The following CCL8 variants were observed in gnomAD, a reference collection of about 807,000 sequenced individuals.
The protein encoded by CCL8 is C-C motif chemokine ligand 8, also known as C-C motif chemokine 8.
In CCL8, 3 loss-of-function variants were observed where a neutral mutation model predicts 6.6. The ratio of observed to expected loss-of-function variants is 0.45; its 90% CI spans 0.21 to 1.17. The LOEUF is 1.17. CCL8 is among the 50% of genes most tolerant of loss of function. The pLI, the probability that CCL8 is intolerant of heterozygous loss-of-function variation, is 0.24. For synonymous variants in CCL8, 49 were observed against 41.8 expected, an observed-to-expected ratio of 1.17 and a Z score of -0.67; for missense variants, 127 against 118.1, an observed-to-expected ratio of 1.08 and a Z score of -0.35.
chr17:34,319,573 G>T lies in CCL8; in HGVS notation c.72G>T (p.Gln24His). ...CTTTCAGCCCTCAGGGACTTGCTCA[G>T]CCAGGTAAGACCTCTCCCTTTTTAA... Reference protein sequence around the residue: ...AATFSPQGLAQPDSVSIPITC... With the variant: ...AATFSPQGLAHPDSVSIPITC... The change falls in exon 1 of 3, where the codon CAG becomes CAT. Residue 24 changes from glutamine (Q) to histidine (H), a missense_variant. Coordinates refer to ENST00000394620, the MANE Select transcript of CCL8 (RefSeq NM_005623.3). The T allele has an allele frequency of 2.5e-6, 4 of 1,613,048 alleles. No individual in the cohort carries two copies. Among genetic ancestry groups the T allele is most frequent in the Non-Finnish European group, 2.5e-6 (3 of 1,179,156 alleles).
chr17:34,320,962 C>A lies in CCL8; in HGVS notation c.*55C>A. The stretch of plus-strand genomic sequence containing the variant: ...TTGAAGAAAAGCTTATTTATTTTCC[C>A]CAACCTCCCCCAGGTGCAGTGTGAC... On this transcript the variant is annotated 3_prime_UTR_variant, in exon 3 of 3. Coordinates refer to ENST00000394620, the MANE Select transcript of CCL8 (RefSeq NM_005623.3). 9.5e-7 allele frequency: 1 copy of A among 1,054,506 alleles called. No homozygotes were observed. The highest frequency in any genetic ancestry group is 1.4e-6 in the Non-Finnish European group (1 of 700,380). The allele number at this position is 1,054,506 out of a possible 1,614,324, so 65.3% of individuals were successfully genotyped here. A position where few individuals can be genotyped will look rare whatever the true frequency, so the allele number is the denominator to read the frequency against.
At chr17:34,320,411 C>T (rs905123961) in intron 2 of CCL8, 25 bp downstream of exon 2, 4 of 1,449,462 alleles carry the variant, frequency 2.8e-6, no homozygotes, top group African/African-American at 2.8e-5. Flanking sequence ...CCTGGCACCC[C>T]CATTCAAAAG....
In CCL8 at chr17:34,320,942, G is replaced by T; in HGVS notation, c.*35G>T. ...CATGGACTGAGAGTCAGAGCTTGAAGAAAAGCTTATTTATTTTCCCCAACC... is the reference window on the plus strand; with the variant it reads ...CATGGACTGAGAGTCAGAGCTTGAATAAAAGCTTATTTATTTTCCCCAACC... On this transcript the variant is annotated 3_prime_UTR_variant, in exon 3 of 3. Transcript: ENST00000394620. 2 of 1,413,884 alleles carry T rather than the reference G, an allele frequency of 1.4e-6. No individual in the cohort carries two copies. The highest frequency in any genetic ancestry group is 1.9e-5 in the Admixed American group (1 of 51,874). 87.6% of individuals were successfully genotyped at this position (1,413,884 alleles called of 1,614,324 possible).
Position 34,319,532 on chromosome 17 carries a change from C to G in CCL8, c.31C>G (p.Leu11Val). MKVSAALLCL[L>V]LMAATFSPQG... ...GGTTTCTGCAGCGCTTCTGTGCCTG[C>G]TGCTCATGGCAGCCACTTTCAGCCC... The change falls in exon 1 of 3, where the codon CTG becomes GTG. Residue 11 changes from leucine to valine, a missense_variant. By Grantham distance (32) the Leu-to-Val change is conservative (BLOSUM62 1). Transcript: ENST00000394620. The G allele has an allele frequency of 6.2e-7, 1 of 1,613,916 alleles. No individual in the cohort carries two copies. The highest frequency in any genetic ancestry group is 2.2e-5 in the East Asian group (1 of 44,878).
In CCL8 at chr17:34,320,819, G is replaced by T; in HGVS notation, c.212G>T (p.Gly71Val). ...KEAVIFKTKRGKEVCADPKER... is the reference protein window; with the variant it reads ...KEAVIFKTKRVKEVCADPKER... Reference sequence around the variant, plus strand: ...CCCCACAGCTTCAAGACCAAACGGGGCAAGGAGGTCTGTGCTGACCCCAAG... The same window carrying T: ...CCCCACAGCTTCAAGACCAAACGGGTCAAGGAGGTCTGTGCTGACCCCAAG... The change falls in exon 3 of 3, where the codon GGC becomes GTC. Residue 71 changes from glycine (G) to valine (V), a missense_variant. Coordinates refer to ENST00000394620, the MANE Select transcript of CCL8 (RefSeq NM_005623.3). 6.2e-7 allele frequency: 1 copy of T among 1,606,742 alleles called. No homozygotes were observed. The highest frequency in any genetic ancestry group is 1.3e-5 in the African/African-American group (1 of 74,552).
At chr17:34,320,184 C>A in intron 1 of CCL8, 85 bp from the exon 2 acceptor site, 1 of 825,994 alleles carries the variant, frequency 1.2e-6, no homozygotes, top group Non-Finnish European at 2.1e-6. Flanking sequence ...ACTTCTTGGT[C>A]TTCTCCTTCC....
Position 34,319,526 on chromosome 17 carries a change from T to C in CCL8, c.25T>C (p.Cys9Arg). ...GATGAAGGTTTCTGCAGCGCTTCTG[T>C]GCCTGCTGCTCATGGCAGCCACTTT... The part of the protein sequence containing the change: MKVSAALL[C>R]LLLMAATFSP... Residue 9 changes from cysteine to arginine, a missense_variant, in exon 1 of 3, where the codon TGC becomes CGC. Transcript: ENST00000394620. 4.3e-6 allele frequency: 7 copies of C among 1,613,920 alleles called. No individual in the cohort carries two copies. Among genetic ancestry groups the C allele is most frequent in the Non-Finnish European group, 5.9e-6 (7 of 1,179,848 alleles).
intron 1 of CCL8, 34 bp from the exon 2 acceptor site, chr17:34,320,235 C>T (rs1334388343): frequency 1.5e-6 from 2 of 1,349,664 alleles, no homozygotes; most frequent in East Asian, 4.6e-5. Flanking sequence ...ACGGTGGGTC[C>T]TAAATGTCTC....
At chr17:34,320,742 C>A (rs774540619) in intron 2 of CCL8, 60 bp from the exon 3 acceptor site, 46 of 1,098,716 alleles carry the variant, frequency 4.2e-5, no homozygotes, top group Non-Finnish European at 5.9e-5. Flanking sequence ...ACCAATGGCC[C>A]ACAGTCCTGT....
intron 2 of CCL8, 43 bp downstream of exon 2, chr17:34,320,429 G>T: frequency 8.1e-7 from 1 of 1,228,016 alleles, no homozygotes; most frequent in South Asian, 1.2e-5. Flanking sequence ...AAGTTCTGAT[G>T]GACAACATAG....
At chr17:34,320,680 C>A in intron 2 of CCL8, 122 bp from the exon 3 acceptor site, 1 of 640,512 alleles carries the variant, frequency 1.6e-6, no homozygotes, top group South Asian at 2.1e-5. Context: ...CCTCCCTCCT[C>A]TCCCGGGTCC....
chr17:34,320,803 T>C lies in CCL8; in HGVS notation c.196T>C (p.Phe66Leu). The C allele has an allele frequency of 6.3e-7, 1 of 1,598,830 alleles. No individual in the cohort carries two copies. Among genetic ancestry groups the C allele is most frequent in the Non-Finnish European group, 8.5e-7 (1 of 1,172,714 alleles). The change falls in exon 3 of 3, where the codon TTC (phenylalanine) becomes CTC (leucine). Residue 66 changes from phenylalanine (F) to leucine (L), a missense_variant and splice_region_variant. Physicochemically the swap from Phe to Leu is conservative, Grantham distance 22 (BLOSUM62 0). Coordinates refer to ENST00000394620, the MANE Select transcript of CCL8 (RefSeq NM_005623.3). ...AATTGTGCCCTCTCTCCCCCACAGC[T>C]TCAAGACCAAACGGGGCAAGGAGGT... Reference protein sequence around the residue: ...NIQCPKEAVIFKTKRGKEVCA... With the variant: ...NIQCPKEAVILKTKRGKEVCA...
In CCL8 at chr17:34,319,493, C is replaced by T. The variant is rs765971174; in HGVS notation, c.-9C>T. ...TCTCATGCTGAAGCTCACACCCTTGCCCTCCAAGATGAAGGTTTCTGCAGC... is the reference window on the plus strand; with the variant it reads ...TCTCATGCTGAAGCTCACACCCTTGTCCTCCAAGATGAAGGTTTCTGCAGC... On this transcript the variant is annotated 5_prime_UTR_variant, in exon 1 of 3. Transcript: ENST00000394620. 16 of 1,613,198 alleles carry T rather than the reference C, an allele frequency of 9.9e-6. No homozygotes were observed. The highest frequency in any genetic ancestry group is 1.4e-5 in the Non-Finnish European group (16 of 1,179,268).
Position 34,319,565 on chromosome 17 carries a change from C to T in CCL8, c.64C>T (p.Leu22Phe), listed in dbSNP as rs764516836. Residue 22 changes from leucine (L) to phenylalanine (F), a missense_variant, in exon 1 of 3, where the codon CTT becomes TTT. Leu to Phe is a conservative substitution (Grantham distance 22). Transcript: ENST00000394620. ...GGCAGCCACTTTCAGCCCTCAGGGA[C>T]TTGCTCAGCCAGGTAAGACCTCTCC... The part of the protein sequence containing the change: ...LMAATFSPQG[L>F]AQPDSVSIPI... The T allele has an allele frequency of 2.5e-6, 4 of 1,613,608 alleles. No homozygotes were observed. Among genetic ancestry groups the T allele is most frequent in the Non-Finnish European group, 3.4e-6 (4 of 1,179,598 alleles).
chr17:34,320,921 G>C lies in CCL8; in HGVS notation c.*14G>C. On this transcript the variant is annotated 3_prime_UTR_variant, in exon 3 of 3. Coordinates refer to ENST00000394620, the MANE Select transcript of CCL8 (RefSeq NM_005623.3). ...CTGAAGCCATGAGCCTTCATACATG[G>C]ACTGAGAGTCAGAGCTTGAAGAAAA... The C allele has an allele frequency of 6.5e-7, 1 of 1,532,648 alleles. No homozygotes were observed. Among genetic ancestry groups the C allele is most frequent in the Non-Finnish European group, 9.0e-7 (1 of 1,115,830 alleles). 94.9% of individuals were successfully genotyped at this position (1,532,648 alleles called of 1,614,324 possible).
Position 34,320,363 on chromosome 17 carries a change from C to A in CCL8, c.171C>A (p.Ile57=), listed in dbSNP as rs34027928. 2,277 of 1,611,714 alleles carry A rather than the reference C, an allele frequency of 1.4e-3. 33 individuals carry two copies. In the African/African-American group the frequency reaches 0.027, roughly 19 times the overall value. ...RLESYTRITN[I]QCPKEAVIFK... ...AGAGCTACACAAGAATCACCAACATCCAATGTCCCAAGGAAGCTGTGATGT... is the reference window on the plus strand; with the variant it reads ...AGAGCTACACAAGAATCACCAACATACAATGTCCCAAGGAAGCTGTGATGT... The change falls in exon 2 of 3, where the codon ATC becomes ATA. Residue 57 remains isoleucine (I), a synonymous_variant. Transcript: ENST00000394620.
Position 34,319,694 on chromosome 17 carries a change from C to T in CCL8, c.76+117C>T, listed in dbSNP as rs1381383039. On this transcript the variant is annotated intron_variant, in intron 1 of 2. Transcript: ENST00000394620. ...GGCTCAGGTCACTGAGGCTGGTTCC[C>T]TTGATCTTTCCTGACCCCAGTTTTG... The T allele has an allele frequency of 9.3e-6, 7 of 751,060 alleles. No homozygotes were observed. In the South Asian group the frequency reaches 1.3e-4, roughly 13 times the overall value. 46.5% of individuals were successfully genotyped at this position (751,060 alleles called of 1,614,324 possible). A position where few individuals can be genotyped will look rare whatever the true frequency, so the allele number is the denominator to read the frequency against.
At chr17:34,320,471 A>G (rs1283729831) in intron 2 of CCL8, 85 bp downstream of exon 2, 3 of 888,204 alleles carry the variant, frequency 3.4e-6, no homozygotes, top group Non-Finnish European at 5.7e-6. Flanking sequence ...TATGAGTCGG[A>G]TGCATATAAC....
intron 2 of CCL8, 66 bp from the exon 3 acceptor site, chr17:34,320,736 A>G: frequency 9.7e-7 from 1 of 1,028,788 alleles, no homozygotes. Context: ...CTAGGGACCA[A>G]TGGCCCACAG....
Sources: gnomAD v4.1 joint callset for allele counts on GRCh38, gnomAD v4.1.1 for gene constraint, MANE v1.5 for transcripts, NCBI Gene and HGNC (gene_info 2026-07-23, HGNC 2026-07-21) for gene names.